The following CRYBB3 variants were observed in gnomAD, a reference collection of about 807,000 sequenced individuals.
CRYBB3 encodes crystallin beta B3.
A neutral mutation model predicts 28.3 loss-of-function variants in CRYBB3; 35 were observed. The observed-to-expected ratio is 1.24, with a 90% confidence interval of 0.95 to 1.64. CRYBB3 has a LOEUF of 1.64. Among genes scored for constraint, CRYBB3 ranks in the 40% most tolerant of loss-of-function variants. CRYBB3 has a pLI of 0.00. For synonymous variants in CRYBB3, 106 were observed against 110.4 expected (o/e 0.96, Z 0.25); for missense variants, 296 against 297.4 (o/e 1.00, Z 0.04).
rs756452191 is a variant in CRYBB3 at position 25,203,917 on chromosome 22, T to C, written c.327+22T>C. The stretch of plus-strand genomic sequence containing the variant: ...TATTGTGAGTGTGGTTCCTGCTCAC[T>C]TCTGGGTGTTCCTGGAAGCAGGGTG... On this transcript the variant is annotated intron_variant, in intron 4 of 5. Coordinates refer to ENST00000215855, the MANE Select transcript of CRYBB3 (RefSeq NM_004076.5). 3 of 1,614,050 alleles carry C rather than the reference T, an allele frequency of 1.9e-6. No homozygotes were observed. The Admixed American group carries it at 5.0e-5, about 27-fold the overall frequency.
intron 4 of CRYBB3, 109 bp downstream of exon 4, chr22:25,204,004 C>G (rs1314350686): frequency 7.2e-7 from 1 of 1,386,664 alleles, no homozygotes; most frequent in East Asian, 2.3e-5. Context: ...CCCATATGGA[C>G]CTGGCCTGGG....
At chr22:25,206,168 T>A (rs981363882) in intron 5 of CRYBB3, among the ~76,000 whole-genome samples, 4 of 152,260 alleles carry the variant, frequency 2.6e-5, no homozygotes, top group Non-Finnish European at 5.9e-5. Flanking sequence ...CTGATAATAA[T>A]TTATTCAACA....
chr22:25,205,551 C>A (rs1935019008), intron 5 of CRYBB3, among the ~76,000 whole-genome samples, 189 bp downstream of exon 5: 2 of 152,296 alleles, frequency 1.3e-5, no homozygotes, highest in South Asian at 4.1e-4. Context: ...GCTCCGCCTC[C>A]CGGGTTCATG....
At chr22:25,206,243 C>T (rs1935031318) in intron 5 of CRYBB3, among the ~76,000 whole-genome samples, 1 of 78,568 alleles carries the variant, frequency 1.3e-5, no homozygotes, top group African/African-American at 6.8e-5. Context: ...AATGGCACAT[C>T]CTCTGGCCCT....
rs550168949 is a variant in CRYBB3 at position 25,202,263 on chromosome 22, C to T, written c.76-411C>T. Among the ~76,000 whole-genome samples, 7 of 152,204 alleles carry T rather than the reference C, an allele frequency of 4.6e-5. No homozygotes were observed. The South Asian group carries it at 1.2e-3, about 27-fold the overall frequency. On this transcript the variant is annotated intron_variant, in intron 2 of 5. Transcript: ENST00000215855. ...GCTTGGGGCAGGCAGAGGTCTTCCC[C>T]GAGACTGCAAACAGGTGTTTTCATT... is the stretch of plus-strand genomic sequence containing the variant.
At chr22:25,204,347 A>G (rs372487872) in intron 4 of CRYBB3, among the ~76,000 whole-genome samples, 2 of 152,144 alleles carry the variant, frequency 1.3e-5, no homozygotes, top group African/African-American at 4.8e-5. Context: ...TTTTCGAGAC[A>G]GACTCCTGCT....
intron 2 of CRYBB3, among the ~76,000 whole-genome samples, chr22:25,201,871 A>G (rs1934954388): frequency 6.6e-6 from 1 of 152,148 alleles, no homozygotes; most frequent in Non-Finnish European, 1.5e-5. Context: ...GATGGTGCCC[A>G]GATATTGTGC....
intron 4 of CRYBB3, among the ~76,000 whole-genome samples, chr22:25,204,164 C>T (rs896067040): frequency 1.3e-5 from 2 of 152,172 alleles, no homozygotes; most frequent in South Asian, 2.1e-4. Context: ...CGTACTAAAA[C>T]GATGAGCCAC....
At chr22:25,203,629 C>A in intron 3 of CRYBB3, 134 bp from the exon 4 acceptor site, 2 of 988,146 alleles carry the variant, frequency 2.0e-6, no homozygotes, top group Non-Finnish European at 3.1e-6. Context: ...AATTACAGGT[C>A]CAGGAATTAG....
chr22:25,203,946 TGA>T (rs747451205), intron 4 of CRYBB3, 51 bp downstream of exon 4: 49 of 1,612,372 alleles, frequency 3.0e-5, no homozygotes, highest in Non-Finnish European at 4.2e-5. Context: ...CAGGGTGCAC[TGA>T]GAGCTGGTCA....
Position 25,203,784 on chromosome 22 carries a change from G to A in CRYBB3, c.216G>A (p.Arg72=). The A allele has an allele frequency of 2.5e-6, 4 of 1,614,168 alleles. No individual in the cohort carries two copies. Among genetic ancestry groups the A allele is most frequent in the Non-Finnish European group, 3.4e-6 (4 of 1,180,030 alleles). ...ESGPWLAFES[R]AFRGEQFVLE... ...TCAGGTGGCTGGCATTTGAGTCCAG[G>A]GCCTTCCGCGGGGAGCAGTTTGTTC... The change falls in exon 4 of 6, where the codon AGG becomes AGA. Residue 72 remains arginine, a synonymous_variant. Coordinates refer to ENST00000215855, the MANE Select transcript of CRYBB3 (RefSeq NM_004076.5).
intron 2 of CRYBB3, 120 bp from the exon 3 acceptor site, chr22:25,202,554 A>G (rs1934965560): frequency 6.3e-7 from 1 of 1,578,846 alleles, no homozygotes; most frequent in Non-Finnish European, 8.6e-7. Flanking sequence ...CCTCAGTGCC[A>G]GCTCCAGGCT....
At chr22:25,200,964 T>C (rs1047734463) in intron 1 of CRYBB3, among the ~76,000 whole-genome samples, 2 of 152,340 alleles carry the variant, frequency 1.3e-5, no homozygotes, top group East Asian at 3.9e-4. Flanking sequence ...GAGACCCCTG[T>C]AGAGGAAACT....
intron 4 of CRYBB3, among the ~76,000 whole-genome samples, chr22:25,204,566 T>C (rs1381318298): frequency 3.9e-5 from 6 of 152,210 alleles, no homozygotes; most frequent in South Asian, 2.1e-4. Flanking sequence ...TGAAGGCACA[T>C]GCCACCACGC....
intron 2 of CRYBB3, among the ~76,000 whole-genome samples, 194 bp from the exon 3 acceptor site, chr22:25,202,480 T>C (rs994559139): frequency 3.3e-5 from 5 of 152,204 alleles, no homozygotes; most frequent in Non-Finnish European, 7.3e-5. Context: ...ACTAGTTTAA[T>C]TGGTCTCATT....
intron 4 of CRYBB3, among the ~76,000 whole-genome samples, chr22:25,204,797 G>C (rs1222633079): frequency 2.6e-5 from 4 of 152,238 alleles, no homozygotes; most frequent in South Asian, 2.1e-4. Flanking sequence ...CTTTCTCTTT[G>C]TCACATAACT....
intron 1 of CRYBB3, among the ~76,000 whole-genome samples, chr22:25,200,389 T>C (rs557694284): frequency 4.7e-4 from 71 of 152,072 alleles, no homozygotes; most frequent in African/African-American, 1.6e-3. Flanking sequence ...GGGGTGTAGA[T>C]GTAGGTGCCT....
At chr22:25,205,611 G>A (rs1033649981) in intron 5 of CRYBB3, among the ~76,000 whole-genome samples, 1 of 151,608 alleles carries the variant, frequency 6.6e-6, no homozygotes, top group African/African-American at 2.4e-5. Context: ...AGGCGCCCAC[G>A]ACCACGCCCG....
At position 25,205,220 on chromosome 22, in the gene CRYBB3, G is replaced by A; in HGVS notation, c.328G>A (p.Asp110Asn). The change falls in exon 5 of 6, where the codon GAT (aspartate) becomes AAT (asparagine). Residue 110 changes from aspartate to asparagine, a missense_variant and splice_region_variant. Transcript: ENST00000215855. ...SLLSLRPLNI[D>N]SPHHKLHLFE... ...GCTCACCCCACGATATTGCCCTCAG[G>A]ATAGTCCACATCACAAGCTGCATCT... 2 of 1,613,944 alleles carry A rather than the reference G, an allele frequency of 1.2e-6. No homozygotes were observed. Among genetic ancestry groups the A allele is most frequent in the Non-Finnish European group, 1.7e-6 (2 of 1,179,910 alleles).
Sources: gnomAD v4.1 joint callset for allele counts (sites outside exome capture counted in the v4.1 genomes callset) on GRCh38, gnomAD v4.1.1 for gene constraint, MANE v1.5 for transcripts, NCBI Gene and HGNC (gene_info 2026-07-23, HGNC 2026-07-21) for gene names.